DSCAM: variants seen among roughly 807,000 people sequenced by gnomAD.
The protein encoded by DSCAM is cell adhesion molecule DSCAM.
Under a neutral mutation model 217.7 loss-of-function variants are expected in DSCAM, and 47 were observed. The observed-to-expected ratio is 0.22, with a 90% CI of 0.17 to 0.28. The LOEUF is 0.28. Ranked by LOEUF, DSCAM falls within the 10% of genes least tolerant of loss-of-function variation. The probability of loss-of-function intolerance (pLI) is 1.00; values close to 1 mark genes in which losing one functional copy is unlikely to be tolerated. For synonymous variants in DSCAM, 1,056 were observed against 1,015.3 expected (o/e 1.04, Z -0.76); for missense variants, 2,080 against 2,618.3 (o/e 0.79, Z 4.49).
chr21:40,425,733 CTTT>C, intron 3 of DSCAM, among the ~76,000 whole-genome samples: 1 of 150,056 alleles, frequency 6.7e-6, no homozygotes, highest in South Asian at 2.1e-4. Context: ...AAAAATACAG[CTTT>C]TTTTCTGTTT....
At chr21:40,111,731 C>A (rs1366010579) in intron 20 of DSCAM, among the ~76,000 whole-genome samples, 4 of 151,918 alleles carry the variant, frequency 2.6e-5, no homozygotes, top group African/African-American at 4.8e-5. Context: ...ATCTACCAAG[C>A]AAATAGAAAA....
chr21:40,159,120 C>T (rs77505955), intron 16 of DSCAM, among the ~76,000 whole-genome samples: 7,038 of 152,296 alleles, frequency 0.046, 161 homozygotes, highest in Non-Finnish European at 0.062. Context: ...CAACTTCGTC[C>T]AGCCGAGTTG....
At chr21:40,394,124 C>G (rs1018231060) in intron 3 of DSCAM, among the ~76,000 whole-genome samples, 1 of 152,160 alleles carries the variant, frequency 6.6e-6, no homozygotes. Flanking sequence ...TGGTTTAATG[C>G]AATGACAATC....
chr21:40,436,683 C>G (rs2075585884), intron 3 of DSCAM, among the ~76,000 whole-genome samples: 1 of 152,156 alleles, frequency 6.6e-6, no homozygotes, highest in Non-Finnish European at 1.5e-5. Context: ...GCTTGAAGGA[C>G]TCGCCAAGTG....
intron 1 of DSCAM, among the ~76,000 whole-genome samples, chr21:40,783,567 A>G (rs1328535894): frequency 6.6e-6 from 1 of 152,192 alleles, no homozygotes; most frequent in African/African-American, 2.4e-5. Context: ...TTGGGAAAGT[A>G]ATATCTGCTG....
chr21:40,324,496 T>C (rs1428080526), intron 8 of DSCAM, among the ~76,000 whole-genome samples: 3 of 152,216 alleles, frequency 2.0e-5, no homozygotes, highest in Non-Finnish European at 4.4e-5. Flanking sequence ...AACTGGATAA[T>C]TTCTTGGGGC....
At chr21:40,093,670 A>G in intron 21 of DSCAM, 51 bp downstream of exon 21, 1 of 1,602,684 alleles carries the variant, frequency 6.2e-7, no homozygotes, top group South Asian at 1.1e-5. Context: ...ATAGAGACTT[A>G]AAAACAGTCA....
chr21:40,208,585 T>C (rs1468162624), intron 11 of DSCAM, among the ~76,000 whole-genome samples: 2 of 152,200 alleles, frequency 1.3e-5, no homozygotes, highest in East Asian at 3.9e-4. Context: ...CATGCTCTCA[T>C]ATTCTCACAT....
intron 3 of DSCAM, among the ~76,000 whole-genome samples, chr21:40,475,145 T>C (rs2075923074): frequency 6.6e-6 from 1 of 152,244 alleles, no homozygotes; most frequent in African/African-American, 2.4e-5. Context: ...GCGCAATTAA[T>C]GACAAGCTTT....
chr21:40,762,233 A>G (rs1237035987), intron 1 of DSCAM, among the ~76,000 whole-genome samples: 1 of 152,148 alleles, frequency 6.6e-6, no homozygotes, highest in Non-Finnish European at 1.5e-5. Context: ...TAAAGAAGAA[A>G]AGAGAGGAGA....
intron 3 of DSCAM, among the ~76,000 whole-genome samples, chr21:40,412,540 G>T (rs1466067247): frequency 6.6e-6 from 1 of 152,160 alleles, no homozygotes; most frequent in Admixed American, 6.5e-5. Context: ...TTTTGCCCCT[G>T]CCCTAGAGAT....
intron 3 of DSCAM, among the ~76,000 whole-genome samples, chr21:40,562,318 C>G (rs2076726817): frequency 1.3e-5 from 2 of 152,246 alleles, no homozygotes; most frequent in Middle Eastern, 3.4e-3. Flanking sequence ...GCTCTCTCAC[C>G]TTCTCTCTCA....
chr21:40,292,368 G>A (rs766236455), intron 10 of DSCAM, among the ~76,000 whole-genome samples: 3 of 152,014 alleles, frequency 2.0e-5, no homozygotes, highest in Middle Eastern at 3.4e-3. Context: ...CTGCACTTCA[G>A]CTCTTAGTGA....
At chr21:40,750,039 T>C (rs2146559780) in intron 1 of DSCAM, among the ~76,000 whole-genome samples, 1 of 152,228 alleles carries the variant, frequency 6.6e-6, no homozygotes, top group Non-Finnish European at 1.5e-5. Context: ...GTGATTCTCC[T>C]GCCTCAGCCT....
chr21:40,727,667 G>T (rs1256176283), intron 1 of DSCAM, among the ~76,000 whole-genome samples: 1 of 152,030 alleles, frequency 6.6e-6, no homozygotes, highest in Non-Finnish European at 1.5e-5. Flanking sequence ...TGCCCAATGG[G>T]TCTCTCTGCT....
intron 3 of DSCAM, among the ~76,000 whole-genome samples, chr21:40,528,898 C>CTTTTTTTTTTTTTTGTTTTTTTTT (rs2076420901): frequency 1.0e-5 from 1 of 99,396 alleles, no homozygotes; most frequent in African/African-American, 4.9e-5. Flanking sequence ...AGGCTTTCCA[C>CTTTTTTTTTTTTTTGTTTTTTTTT]TTTTTTTTTT....
intron 1 of DSCAM, among the ~76,000 whole-genome samples, chr21:40,796,914 C>A (rs2091696486): frequency 6.6e-6 from 1 of 152,184 alleles, no homozygotes; most frequent in South Asian, 2.1e-4. Flanking sequence ...ACTTATTTTC[C>A]TTGTCTCTTG....
intron 8 of DSCAM, among the ~76,000 whole-genome samples, chr21:40,313,586 T>C (rs1050108474): frequency 6.6e-6 from 1 of 152,228 alleles, no homozygotes. Flanking sequence ...CAAAGTAATA[T>C]GCTCTTTCAT....
chr21:40,386,605 C>G (rs2075088251), intron 3 of DSCAM, among the ~76,000 whole-genome samples: 1 of 152,178 alleles, frequency 6.6e-6, no homozygotes, highest in South Asian at 2.1e-4. Flanking sequence ...AGTGAGTGCC[C>G]GTGGATCTGG....
Sources: allele counts gnomAD v4.1 joint callset (sites outside exome capture counted in the v4.1 genomes callset), GRCh38; gene constraint gnomAD v4.1.1; transcripts MANE v1.5; gene names NCBI Gene and HGNC (gene_info 2026-07-23, HGNC 2026-07-21).